The following SEMA3E variants were observed in gnomAD, a reference collection of about 807,000 sequenced individuals.
SEMA3E encodes the protein semaphorin-3E.
Under a neutral mutation model 93.6 loss-of-function variants are expected in SEMA3E, and 49 were observed. The ratio of observed to expected loss-of-function variants is 0.52; its 90% CI spans 0.42 to 0.66. SEMA3E has a LOEUF of 0.66. Ranked by LOEUF, SEMA3E falls within the 30% of genes least tolerant of loss-of-function variation. The pLI is 0.00. For missense variants in SEMA3E, 906 were observed against 964.8 expected (o/e 0.94, Z 0.81); for synonymous variants, 363 against 330.7 (o/e 1.10, Z -1.06).
intron 4 of SEMA3E, among the ~76,000 whole-genome samples, chr7:83,461,495 T>G (rs919630832): frequency 2.0e-5 from 3 of 152,162 alleles, no homozygotes; most frequent in South Asian, 4.1e-4. Context: ...AACAATTTAC[T>G]CTTAAAAAGG....
chr7:83,482,564 C>CAAAAAAAAAA (rs11429680), intron 2 of SEMA3E, among the ~76,000 whole-genome samples: 1 of 80,232 alleles, frequency 1.2e-5, no homozygotes, highest in African/African-American at 5.8e-5. Context: ...CACTCCGTCT[C>CAAAAAAAAAA]AAAAAAAAAA....
intron 1 of SEMA3E, among the ~76,000 whole-genome samples, chr7:83,642,551 T>C (rs1042357147): frequency 4.3e-4 from 66 of 152,152 alleles, no homozygotes; most frequent in Non-Finnish European, 1.6e-4. Context: ...CTTGTCACTA[T>C]CATTCCTATC....
chr7:83,636,058 A>G (rs1251278408), intron 1 of SEMA3E, among the ~76,000 whole-genome samples: 1 of 152,134 alleles, frequency 6.6e-6, no homozygotes, highest in Non-Finnish European at 1.5e-5. Context: ...AATGAATGAA[A>G]TTGGAAATTG....
chr7:83,418,669 T>A (rs558702302), intron 4 of SEMA3E, among the ~76,000 whole-genome samples, 186 bp from the exon 5 acceptor site: 1 of 152,120 alleles, frequency 6.6e-6, no homozygotes, highest in Non-Finnish European at 1.5e-5. Context: ...TACAGACCCA[T>A]AAGAGTTCTC....
chr7:83,629,946 G>C (rs1793753965), intron 1 of SEMA3E, among the ~76,000 whole-genome samples: 1 of 152,214 alleles, frequency 6.6e-6, no homozygotes, highest in Admixed American at 6.5e-5. Context: ...CTCCTGGTCT[G>C]TGGGTTGCAA....
intron 16 of SEMA3E, among the ~76,000 whole-genome samples, 171 bp from the exon 17 acceptor site, chr7:83,368,209 C>CTGTGTGTG (rs1336086971): frequency 1.7e-5 from 1 of 59,002 alleles, no homozygotes; most frequent in African/African-American, 4.3e-5. Flanking sequence ...CTCTCTCTCT[C>CTGTGTGTG]TGTGTGTGTG....
intron 1 of SEMA3E, among the ~76,000 whole-genome samples, chr7:83,642,644 TA>T (rs1450048422): frequency 6.6e-6 from 1 of 152,048 alleles, no homozygotes; most frequent in Non-Finnish European, 1.5e-5. Context: ...CAATGTTATT[TA>T]AGGCTTTACT....
intron 1 of SEMA3E, among the ~76,000 whole-genome samples, chr7:83,502,706 T>G (rs2371782): frequency 0.38 from 58,062 of 152,070 alleles, 11,749 homozygotes; most frequent in East Asian, 0.43. Context: ...GGTTTTGTGT[T>G]TTTTAAAATT....
Position 83,394,287 on chromosome 7 carries a change from C to T in SEMA3E, c.1500+10G>A, listed in dbSNP as rs371468210. 7.0e-6 allele frequency: 11 copies of T among 1,581,890 alleles called. No individual in the cohort carries two copies. On this transcript the variant is annotated intron_variant, in intron 13 of 16. Coordinates refer to ENST00000643230, the MANE Select transcript of SEMA3E (RefSeq NM_012431.3). ...ACACACACCTACACACACACACACA[C>T]AGAACTTACCCGCTTTGAAGAAATC...
At chr7:83,593,282 CTCTGTGTGTGTGTGTG>C (rs1792794634) in intron 1 of SEMA3E, among the ~76,000 whole-genome samples, 5 of 107,440 alleles carry the variant, frequency 4.7e-5, no homozygotes, top group African/African-American at 1.8e-4. Flanking sequence ...CTCTCTCTCT[CTCTGTGTGTGTGTGTG>C]TGTGTGTGTG....
chr7:83,383,638 A>T (rs1787824226), intron 16 of SEMA3E, among the ~76,000 whole-genome samples: 1 of 152,010 alleles, frequency 6.6e-6, no homozygotes, highest in Non-Finnish European at 1.5e-5. Context: ...TGTAGTTGAA[A>T]ATAGGTACTA....
At chr7:83,405,878 C>A in intron 8 of SEMA3E, 67 bp downstream of exon 8, 1 of 1,155,926 alleles carries the variant, frequency 8.7e-7, no homozygotes, top group Non-Finnish European at 1.3e-6. Context: ...TCTATGTGTC[C>A]TAGGGATAAA....
chr7:83,550,126 C>A (rs1352231699), intron 1 of SEMA3E, among the ~76,000 whole-genome samples: 1 of 152,094 alleles, frequency 6.6e-6, no homozygotes, highest in Non-Finnish European at 1.5e-5. Flanking sequence ...AATCAACTGT[C>A]TTCATTCATC....
intron 1 of SEMA3E, among the ~76,000 whole-genome samples, chr7:83,526,361 T>C (rs181700454): frequency 6.6e-6 from 1 of 152,306 alleles, no homozygotes; most frequent in Admixed American, 6.5e-5. Flanking sequence ...GCAAAGATAC[T>C]CTGTTCTACC....
chr7:83,428,647 CTAAA>C (rs1482791421), intron 4 of SEMA3E, among the ~76,000 whole-genome samples: 5 of 151,856 alleles, frequency 3.3e-5, no homozygotes, highest in African/African-American at 4.8e-5. Flanking sequence ...TTCCCAAAGA[CTAAA>C]TAAACAAGCA....
chr7:83,564,610 A>C lies in SEMA3E; in HGVS notation c.116-74336T>G, dbSNP rs948310284. ...TTAGTCACTGTTGTTGCTAACAGTT[A>C]AATTAATCATTTACACAATCACTCT... is the stretch of plus-strand genomic sequence containing the variant. On this transcript the variant is annotated intron_variant, in intron 1 of 16. Transcript: ENST00000643230. 5.0e-4 allele frequency among the ~76,000 whole-genome samples: 76 copies of C among 152,284 alleles called. 1 individual carries two copies. Among genetic ancestry groups the C allele is most frequent in the African/African-American group, 1.8e-3 (74 of 41,570 alleles).
intron 1 of SEMA3E, among the ~76,000 whole-genome samples, chr7:83,550,542 C>T (rs1402242982): frequency 1.3e-5 from 2 of 152,072 alleles, no homozygotes; most frequent in East Asian, 1.9e-4. Flanking sequence ...CAAAATAATA[C>T]ATTCTAAATG....
chr7:83,533,285 T>G (rs1201226834), intron 1 of SEMA3E, among the ~76,000 whole-genome samples: 1 of 152,172 alleles, frequency 6.6e-6, no homozygotes, highest in African/African-American at 2.4e-5. Flanking sequence ...CTCATGCCTG[T>G]AATCCCAACA....
At chr7:83,616,395 G>A (rs971934486) in intron 1 of SEMA3E, among the ~76,000 whole-genome samples, 2 of 152,096 alleles carry the variant, frequency 1.3e-5, no homozygotes, top group African/African-American at 4.8e-5. Context: ...ACATCTTAGA[G>A]ATAACTAGCT....
Sources: gnomAD v4.1 joint callset for allele counts (sites outside exome capture counted in the v4.1 genomes callset) on GRCh38, gnomAD v4.1.1 for gene constraint, MANE v1.5 for transcripts, NCBI Gene and HGNC (gene_info 2026-07-23, HGNC 2026-07-21) for gene names.